CDYL2: variants seen among roughly 807,000 people sequenced by gnomAD.
CDYL2 encodes chromodomain Y-like protein 2.
A neutral mutation model predicts 49.4 loss-of-function variants in CDYL2; 23 were observed. The ratio of observed to expected loss-of-function variants is 0.47; its 90% CI spans 0.34 to 0.66. The LOEUF (loss-of-function observed/expected upper bound fraction) is 0.66, where lower values mean the gene tolerates loss of function less well. Ranked by LOEUF, CDYL2 falls within the 30% of genes least tolerant of loss-of-function variation. The pLI is 0.01. For missense variants in CDYL2, 678 were observed against 656.4 expected (o/e 1.03, Z -0.36); for synonymous variants, 360 against 268.8 (o/e 1.34, Z -3.32).
At chr16:80,618,411 G>A (rs185820501) in intron 4 of CDYL2, among the ~76,000 whole-genome samples, 2 of 152,342 alleles carry the variant, frequency 1.3e-5, no homozygotes, top group Admixed American at 6.5e-5. Flanking sequence ...TAGAGGCTAT[G>A]GGGACAGGAG....
chr16:80,750,698 G>C (rs1291695563), intron 1 of CDYL2, among the ~76,000 whole-genome samples: 3 of 152,170 alleles, frequency 2.0e-5, no homozygotes, highest in Admixed American at 1.3e-4. Context: ...AAGGGAGAGA[G>C]AGTACTATGT....
chr16:80,635,604 G>T (rs1907784297), intron 2 of CDYL2, among the ~76,000 whole-genome samples: 1 of 152,170 alleles, frequency 6.6e-6, no homozygotes. Context: ...CTCATGGAAA[G>T]GAAGAATCAA....
chr16:80,760,669 T>C (rs1906496828), intron 1 of CDYL2, among the ~76,000 whole-genome samples: 1 of 152,094 alleles, frequency 6.6e-6, no homozygotes, highest in African/African-American at 2.4e-5. Flanking sequence ...AAAATCATTG[T>C]ATTCCTTGTA....
At chr16:80,712,215 A>ATCTC (rs1555532121) in intron 1 of CDYL2, among the ~76,000 whole-genome samples, 9 of 128,374 alleles carry the variant, frequency 7.0e-5, no homozygotes, top group Non-Finnish European at 1.4e-4. Context: ...ATATATATAT[A>ATCTC]TCTCCAAACC....
chr16:80,604,136 TGG>T lies in CDYL2; in HGVS notation c.*250_*251del. The T allele has an allele frequency of 1.9e-6, 1 of 530,918 alleles. No individual in the cohort carries two copies. The allele number at this position is 530,918 out of a possible 1,614,324, so 32.9% of individuals were successfully genotyped here. A position where few individuals can be genotyped will look rare whatever the true frequency, so the allele number is the denominator to read the frequency against. Reference sequence around the variant, plus strand: ...AGGACAGCGGTGCTTGGCGGAGCCCTGGGAAGATACAGCCTTGGACAGCTCTC... The same window carrying T: ...AGGACAGCGGTGCTTGGCGGAGCCCTGAAGATACAGCCTTGGACAGCTCTC... On this transcript the variant is annotated 3_prime_UTR_variant, in exon 7 of 7. Coordinates refer to ENST00000570137, the MANE Select transcript of CDYL2 (RefSeq NM_152342.4).
intron 1 of CDYL2, among the ~76,000 whole-genome samples, chr16:80,760,852 G>C (rs1399099683): frequency 1.3e-5 from 2 of 151,764 alleles, no homozygotes; most frequent in East Asian, 3.8e-4. Flanking sequence ...TGAAATCATA[G>C]AAACTGAAGG....
intron 1 of CDYL2, among the ~76,000 whole-genome samples, chr16:80,758,380 G>A (rs1411771889): frequency 1.3e-5 from 2 of 152,082 alleles, no homozygotes; most frequent in Admixed American, 1.3e-4. Flanking sequence ...AAACCTAGAT[G>A]TACATCTTGA....
At chr16:80,756,118 G>T (rs2142569325) in intron 1 of CDYL2, among the ~76,000 whole-genome samples, 1 of 152,160 alleles carries the variant, frequency 6.6e-6, no homozygotes, top group African/African-American at 2.4e-5. Flanking sequence ...CATTAAATAA[G>T]AAAGGATAAA....
chr16:80,695,368 CAA>C (rs1910577994), intron 1 of CDYL2, among the ~76,000 whole-genome samples: 1 of 152,202 alleles, frequency 6.6e-6, no homozygotes, highest in South Asian at 2.1e-4. Flanking sequence ...AAAACAACCA[CAA>C]AGCAAATGAC....
chr16:80,724,223 A>G (rs1905093471), intron 1 of CDYL2, among the ~76,000 whole-genome samples: 1 of 148,566 alleles, frequency 6.7e-6, no homozygotes, highest in Non-Finnish European at 1.5e-5. Flanking sequence ...AGAAAGAGGA[A>G]GAGGAGGGGG....
Position 80,724,824 on chromosome 16 carries a change from G to C in CDYL2, c.25-39695C>G, listed in dbSNP as rs76690077. 7.6e-3 allele frequency among the ~76,000 whole-genome samples: 1,159 copies of C among 152,316 alleles called. 21 individuals are homozygous for C. Among genetic ancestry groups the C allele is most frequent in the African/African-American group, 0.026 (1,079 of 41,580 alleles). On this transcript the variant is annotated intron_variant, in intron 1 of 6. Transcript: ENST00000570137. ...ACCTCTCACCCAGACCTTTGTGGCAGCTTCCCACATGGTCTTCTTGTCTAC... is the reference window on the plus strand; with the variant it reads ...ACCTCTCACCCAGACCTTTGTGGCACCTTCCCACATGGTCTTCTTGTCTAC...
chr16:80,646,409 G>T (rs746785768), intron 2 of CDYL2, among the ~76,000 whole-genome samples: 1 of 152,120 alleles, frequency 6.6e-6, no homozygotes, highest in Non-Finnish European at 1.5e-5. Context: ...ATAACAAAAT[G>T]GCAGGAGAAA....
intron 1 of CDYL2, among the ~76,000 whole-genome samples, chr16:80,760,972 G>C (rs566745162): frequency 6.2e-4 from 95 of 152,268 alleles, no homozygotes; most frequent in African/African-American, 2.1e-3. Flanking sequence ...AATTATTAAT[G>C]CCTGGGCAGT....
At position 80,708,534 on chromosome 16, in the gene CDYL2, G is replaced by A. The variant is rs945760956; in HGVS notation, c.25-23405C>T. 3.3e-5 allele frequency among the ~76,000 whole-genome samples: 5 copies of A among 152,056 alleles called. 1 individual carries two copies. The highest frequency in any genetic ancestry group is 5.9e-5 in the Non-Finnish European group (4 of 68,020). On this transcript the variant is annotated intron_variant, in intron 1 of 6. Coordinates refer to ENST00000570137, the MANE Select transcript of CDYL2 (RefSeq NM_152342.4). ...TTTACTAGCAGTTATGAGAATGAAC[G>A]AATACATCTTGGTACAGCCACAGCC... is the stretch of plus-strand genomic sequence containing the variant.
At chr16:80,765,929 G>A (rs112503776) in intron 1 of CDYL2, among the ~76,000 whole-genome samples, 1 of 148,404 alleles carries the variant, frequency 6.7e-6, no homozygotes, top group African/African-American at 2.5e-5. Flanking sequence ...CGACAACATG[G>A]ATGAACCTTG....
intron 1 of CDYL2, among the ~76,000 whole-genome samples, chr16:80,692,441 G>A (rs967577081): frequency 6.6e-6 from 1 of 152,214 alleles, no homozygotes; most frequent in South Asian, 2.1e-4. Context: ...TCTCTTAGGG[G>A]ACAAAATAGG....
At position 80,695,034 on chromosome 16, in the gene CDYL2, G is replaced by A. The variant is rs147340255; in HGVS notation, c.25-9905C>T. The stretch of plus-strand genomic sequence containing the variant: ...TATATATCCCAAAGAATTATAACCC[G>A]AAGAATAAATATTCAAGAGTCCATC... On this transcript the variant is annotated intron_variant, in intron 1 of 6. Transcript: ENST00000570137. Among the ~76,000 whole-genome samples, 10 of 152,318 alleles carry A rather than the reference G, an allele frequency of 6.6e-5. No individual in the cohort carries two copies. The East Asian group carries it at 1.3e-3, about 21-fold the overall frequency.
chr16:80,703,447 T>C (rs950974503), intron 1 of CDYL2, among the ~76,000 whole-genome samples: 1 of 152,070 alleles, frequency 6.6e-6, no homozygotes, highest in African/African-American at 2.4e-5. Context: ...AGATTCAGGA[T>C]TGGACTAGAG....
intron 2 of CDYL2, among the ~76,000 whole-genome samples, chr16:80,680,815 C>A (rs1156268078): frequency 1.3e-5 from 2 of 152,090 alleles, no homozygotes; most frequent in Non-Finnish European, 2.9e-5. Context: ...GTGGCTGTTA[C>A]AATTCAGCAT....
Sources: allele counts gnomAD v4.1 joint callset (sites outside exome capture counted in the v4.1 genomes callset), GRCh38; gene constraint gnomAD v4.1.1; transcripts MANE v1.5; gene names NCBI Gene and HGNC (gene_info 2026-07-23, HGNC 2026-07-21).